Variants in MICU1 observed in about 807,000 individuals in gnomAD.
MICU1 encodes mitochondrial calcium uptake 1, also known as calcium uptake protein 1, mitochondrial.
In MICU1, 45 loss-of-function variants were observed where a neutral mutation model predicts 56.8. The ratio of observed to expected loss-of-function variants is 0.79; its 90% confidence interval spans 0.62 to 1.02. The LOEUF (loss-of-function observed/expected upper bound fraction) is 1.02, where lower values mean the gene tolerates loss of function less well. Ranked by LOEUF, MICU1 falls within the 50% of genes least tolerant of loss-of-function variation. The probability of loss-of-function intolerance (pLI) is 0.00; values close to 1 mark genes in which losing one functional copy is unlikely to be tolerated. For synonymous variants in MICU1, 186 were observed against 195.1 expected, an observed-to-expected ratio of 0.95 and a Z score of 0.39; for missense variants, 504 against 587.1, an observed-to-expected ratio of 0.86 and a Z score of 1.46.
intron 6 of MICU1, 134 bp downstream of exon 6, chr10:72,508,021 A>G (rs1291231463): frequency 4.2e-6 from 2 of 473,364 alleles, no homozygotes; most frequent in East Asian, 3.5e-5. Flanking sequence ...AAAGCAAATG[A>G]AATTTTATGT....
chr10:72,502,209 C>T (rs924353419), intron 6 of MICU1, among the ~76,000 whole-genome samples: 4 of 146,144 alleles, frequency 2.7e-5, no homozygotes, highest in African/African-American at 1.0e-4. Flanking sequence ...GGCTGGAGTG[C>T]AGTGGCGCAA....
chr10:72,399,872 C>T (rs1423916934), intron 10 of MICU1, among the ~76,000 whole-genome samples: 4 of 152,088 alleles, frequency 2.6e-5, no homozygotes, highest in Admixed American at 1.3e-4. Flanking sequence ...GCAGGAGAAT[C>T]GCTTGAGCCC....
At chr10:72,596,243 G>A (rs1190146596) in intron 1 of MICU1, among the ~76,000 whole-genome samples, 1 of 152,080 alleles carries the variant, frequency 6.6e-6, no homozygotes, top group African/African-American at 2.4e-5. Flanking sequence ...CCAAAGTGCT[G>A]GGATTACAGG....
At chr10:72,425,211 G>C (rs1011874523) in intron 8 of MICU1, among the ~76,000 whole-genome samples, 5 of 152,344 alleles carry the variant, frequency 3.3e-5, no homozygotes, top group Non-Finnish European at 7.3e-5. Flanking sequence ...CTCCAGGGCC[G>C]ACTTTAATGA....
chr10:72,450,481 T>C (rs11000309), intron 8 of MICU1, among the ~76,000 whole-genome samples: 69,357 of 151,548 alleles, frequency 0.46, 20,008 homozygotes, highest in Non-Finnish European at 0.67. Flanking sequence ...ATTGTGCGAA[T>C]GGAGGTGACT....
At chr10:72,535,078 G>A (rs1307765823) in intron 4 of MICU1, among the ~76,000 whole-genome samples, 3 of 88,064 alleles carry the variant, frequency 3.4e-5, no homozygotes, top group Non-Finnish European at 8.2e-5. Context: ...CACCCAAGCT[G>A]GAGTGCAGTG....
intron 2 of MICU1, among the ~76,000 whole-genome samples, chr10:72,566,035 T>C (rs76665139): frequency 0.038 from 4,689 of 122,158 alleles, 234 homozygotes; most frequent in African/African-American, 0.13. Context: ...AAAGCATTCA[T>C]TTTCTTTTTT....
intron 8 of MICU1, among the ~76,000 whole-genome samples, chr10:72,442,851 G>A (rs566520187): frequency 2.0e-5 from 3 of 152,186 alleles, no homozygotes; most frequent in African/African-American, 7.2e-5. Context: ...CTGCCTCCTG[G>A]GTTCAAGTAA....
chr10:72,383,116 C>T (rs377169819), intron 10 of MICU1, among the ~76,000 whole-genome samples: 3 of 151,880 alleles, frequency 2.0e-5, no homozygotes, highest in Admixed American at 6.6e-5. Context: ...CACGATGGTG[C>T]GCTCCTGCAG....
chr10:72,381,971 C>T (rs1862720428), intron 10 of MICU1, among the ~76,000 whole-genome samples: 1 of 131,390 alleles, frequency 7.6e-6, no homozygotes, highest in Non-Finnish European at 1.5e-5. Context: ...TATACACACA[C>T]ACACACACAC....
intron 5 of MICU1, chr10:72,523,778 T>C: frequency 6.9e-7 from 1 of 1,439,156 alleles, no homozygotes; most frequent in Non-Finnish European, 9.1e-7. Flanking sequence ...AGCCCAAGCC[T>C]TCAAAGATCA....
chr10:72,526,205 A>G (rs1368777600), intron 5 of MICU1, among the ~76,000 whole-genome samples: 1 of 152,250 alleles, frequency 6.6e-6, no homozygotes, highest in African/African-American at 2.4e-5. Flanking sequence ...GGAAGATGGC[A>G]AAATCTGTAA....
chr10:72,382,797 T>C (rs1862760830), intron 10 of MICU1, among the ~76,000 whole-genome samples: 1 of 152,138 alleles, frequency 6.6e-6, no homozygotes, highest in Non-Finnish European at 1.5e-5. Flanking sequence ...TAATCCCAGC[T>C]ACTCAGGAGG....
At chr10:72,541,335 T>G (rs1839768826) in intron 4 of MICU1, among the ~76,000 whole-genome samples, 1 of 152,240 alleles carries the variant, frequency 6.6e-6, no homozygotes, top group South Asian at 2.1e-4. Context: ...GCTTAGTTTC[T>G]CTAATCCCTT....
At chr10:72,499,206 C>T (rs907412747) in intron 6 of MICU1, among the ~76,000 whole-genome samples, 1 of 152,102 alleles carries the variant, frequency 6.6e-6, no homozygotes, top group Non-Finnish European at 1.5e-5. Context: ...TAGCCTTGAA[C>T]AAATCACAAG....
At chr10:72,617,447 A>G (rs770608818) in intron 1 of MICU1, among the ~76,000 whole-genome samples, 9 of 152,104 alleles carry the variant, frequency 5.9e-5, no homozygotes, top group Non-Finnish European at 8.8e-5. Flanking sequence ...CCATTACCTT[A>G]TTTAGTCCTC....
intron 4 of MICU1, among the ~76,000 whole-genome samples, chr10:72,541,415 T>G (rs1432215735): frequency 6.6e-6 from 1 of 152,174 alleles, no homozygotes; most frequent in African/African-American, 2.4e-5. Context: ...ATAAATAGCA[T>G]CACTATTATA....
At chr10:72,566,874 A>C in intron 1 of MICU1, 80 bp from the exon 2 acceptor site, 1 of 1,229,004 alleles carries the variant, frequency 8.1e-7, no homozygotes, top group Non-Finnish European at 1.1e-6. Context: ...CAACATTTCT[A>C]ATAAACACTA....
rs1862195489 is a variant in MICU1 at position 72,367,814 on chromosome 10, G to A, written c.*381C>T. 5.7e-6 allele frequency: 1 copy of A among 173,944 alleles called. No individual in the cohort carries two copies. Among genetic ancestry groups the A allele is most frequent in the Non-Finnish European group, 1.2e-5 (1 of 81,560 alleles). 10.8% of individuals were successfully genotyped at this position (173,944 alleles called of 1,614,324 possible). A position where few individuals can be genotyped will look rare whatever the true frequency, so the allele number is the denominator to read the frequency against. ...ACCAGCAGGAGGGAAGTCAAGGAATGTTCTTGTTAGTATAAATCCATAGCA... is the reference window on the plus strand; with the variant it reads ...ACCAGCAGGAGGGAAGTCAAGGAATATTCTTGTTAGTATAAATCCATAGCA... On this transcript the variant is annotated 3_prime_UTR_variant, in exon 12 of 12. Coordinates refer to ENST00000361114, the MANE Select transcript of MICU1 (RefSeq NM_001195518.2).
Sources: gnomAD v4.1 joint callset for allele counts (sites outside exome capture counted in the v4.1 genomes callset) on GRCh38, gnomAD v4.1.1 for gene constraint, MANE v1.5 for transcripts, NCBI Gene and HGNC (gene_info 2026-07-23, HGNC 2026-07-21) for gene names.